CDK16: variants seen among roughly 807,000 people sequenced by gnomAD.
CDK16 encodes cyclin dependent kinase 16.
Under a neutral mutation model 41.6 loss-of-function variants are expected in CDK16, and 2 were observed. The ratio of observed to expected loss-of-function variants is 0.05; its 90% CI spans 0.02 to 0.15. CDK16 has a LOEUF of 0.15. CDK16 is among the 10% of genes least tolerant of loss of function. The pLI is 1.00. For synonymous variants in CDK16, 169 were observed against 169.7 expected (o/e 1.00, Z 0.03); for missense variants, 228 against 428.9 (o/e 0.53, Z 4.14).
At chrX:47,225,226 T>C (rs1171436062) in intron 6 of CDK16, 124 bp downstream of exon 6, 3 of 466,225 alleles carry the variant, frequency 6.4e-6, no homozygotes, top group East Asian at 3.7e-5. Context: ...TGGGAATGCC[T>C]GTCACCCACA....
Position 47,226,862 on chromosome X carries a change from C to T in CDK16, c.1088C>T (p.Pro363Leu), listed in dbSNP as rs1307753331. 5.0e-6 allele frequency: 6 copies of T among 1,209,417 alleles called. No individual in the cohort carries two copies. Among genetic ancestry groups the T allele is most frequent in the Non-Finnish European group, 6.7e-6 (6 of 894,511 alleles). ...YEMATGRPLF[P>L]GSTVEEQLHF... Reference sequence around the variant, plus strand: ...ATGGCCACAGGCCGTCCCCTCTTTCCGGGCTCCACGGTGGAGGAACAGCTA... The same window carrying T: ...ATGGCCACAGGCCGTCCCCTCTTTCTGGGCTCCACGGTGGAGGAACAGCTA... Residue 363 changes from proline to leucine, a missense_variant, in exon 11 of 16, where the codon CCG becomes CTG. Around this residue, in one of 3 missense-constraint regions of CDK16, gnomAD observed 91 missense variants for 129.5 expected, o/e 0.70. Transcript: ENST00000357227.
chrX:47,221,162 T>A (rs996843348), intron 1 of CDK16, among the ~76,000 whole-genome samples: 3 of 111,049 alleles, frequency 2.7e-5, no homozygotes, highest in Non-Finnish European at 5.7e-5. Context: ...GACCAAGTCC[T>A]TAGTGGTTGG....
intron 1 of CDK16, among the ~76,000 whole-genome samples, chrX:47,219,870 G>A (rs1183101795): frequency 2.7e-5 from 3 of 110,729 alleles, no homozygotes; most frequent in Admixed American, 9.6e-5. Context: ...ATATGCTAAT[G>A]AGGGCAGAGT....
At chrX:47,223,225 T>C (rs1937422348) in intron 1 of CDK16, 5 of 1,156,379 alleles carry the variant, frequency 4.3e-6, no homozygotes, top group African/African-American at 3.5e-5. Flanking sequence ...AGCCTTCTGC[T>C]CCTGCAGTGG....
Position 47,223,564 on chromosome X carries a change from C to A in CDK16, c.7C>A (p.Arg3=). 8.3e-7 allele frequency: 1 copy of A among 1,210,512 alleles called. No homozygotes were observed. Among genetic ancestry groups the A allele is most frequent in the Non-Finnish European group, 1.1e-6 (1 of 894,456 alleles). The part of the protein sequence containing the change: MD[R]MKKIKRQLSM... ...GTCCCTTGCTCAGATCGCCATGGAT[C>A]GGATGAAGAAGATCAAACGGCAGCT... The change falls in exon 2 of 16, where the codon CGG becomes AGG. Residue 3 remains arginine (R), a synonymous_variant. Coordinates refer to ENST00000357227, the MANE Select transcript of CDK16 (RefSeq NM_006201.5).
At chrX:47,227,550 G>C in intron 14 of CDK16, 81 bp downstream of exon 14, 5 of 695,438 alleles carry the variant, frequency 7.2e-6, no homozygotes, top group Non-Finnish European at 1.1e-5. Flanking sequence ...GGTTGTGTAG[G>C]ATTCTGGCTG....
At position 47,224,526 on chromosome X, in the gene CDK16, AC is replaced by A. The variant is rs752943907; in HGVS notation, c.336+12del. On this transcript the variant is annotated intron_variant, in intron 3 of 15. Transcript: ENST00000357227. ...CGCAAGATCTCCACTGAGGTGCTTG[AC>A]CCCGTCTGGATGGTGGAGGAACTGG... 4 of 1,201,015 alleles carry A rather than the reference AC, an allele frequency of 3.3e-6. No individual in the cohort carries two copies. The highest frequency in any genetic ancestry group is 4.5e-6 in the Non-Finnish European group (4 of 890,035).
Position 47,226,030 on chromosome X carries a change from G to A in CDK16, c.792+3G>A. On this transcript the variant is annotated splice_donor_region_variant and intron_variant, in intron 8 of 15. Transcript: ENST00000357227. ...TCATCAACATGCACAACGTGAAAGT[G>A]GGTGTGGGGCAGGAAGCAGGGGCAC... 1 of 1,195,698 alleles carries A rather than the reference G, an allele frequency of 8.4e-7. No homozygotes were observed. The highest frequency in any genetic ancestry group is 1.1e-6 in the Non-Finnish European group (1 of 886,682).
Position 47,228,656 on chromosome X carries a change from C to T in CDK16, c.1453+12C>T, listed in dbSNP as rs1339117502. On this transcript the variant is annotated intron_variant, in intron 15 of 15. Coordinates refer to ENST00000357227, the MANE Select transcript of CDK16 (RefSeq NM_006201.5). Reference sequence around the variant, plus strand: ...GATGCCTGACTCAGGTAGGTATAGCCCCTTGTCTTCCTCCCTGCCCCACCC... The same window carrying T: ...GATGCCTGACTCAGGTAGGTATAGCTCCTTGTCTTCCTCCCTGCCCCACCC... 3 of 1,204,619 alleles carry T rather than the reference C, an allele frequency of 2.5e-6. No individual in the cohort carries two copies. Among genetic ancestry groups the T allele is most frequent in the Middle Eastern group, 2.3e-4 (1 of 4,360 alleles).
chrX:47,229,336 C>A lies in CDK16; in HGVS notation c.*568C>A. On this transcript the variant is annotated 3_prime_UTR_variant, in exon 16 of 16. Coordinates refer to ENST00000357227, the MANE Select transcript of CDK16 (RefSeq NM_006201.5). ...TGCAATATCTCTGTATACAGACTGGCTGGGCCCCACCCCCTGCGTGTGGCC... is the reference window on the plus strand; with the variant it reads ...TGCAATATCTCTGTATACAGACTGGATGGGCCCCACCCCCTGCGTGTGGCC... 1 of 306,673 alleles carries A rather than the reference C, an allele frequency of 3.3e-6. No individual in the cohort carries two copies. The highest frequency in any genetic ancestry group is 6.2e-6 in the Non-Finnish European group (1 of 161,109). 25.3% of individuals were successfully genotyped at this position (306,673 alleles called of 1,213,427 possible). A position where few individuals can be genotyped will look rare whatever the true frequency, so the allele number is the denominator to read the frequency against.
chrX:47,218,713 T>TGCGCGGAGCGCG lies in CDK16; in HGVS notation c.-393_-382dup. 8.6e-7 allele frequency: 1 copy of TGCGCGGAGCGCG among 1,163,548 alleles called. No homozygotes were observed. Among genetic ancestry groups the TGCGCGGAGCGCG allele is most frequent in the Non-Finnish European group, 1.1e-6 (1 of 871,569 alleles). ...ACCCTTCCGAGCGCCTGCGTGCGCA[T>TGCGCGGAGCGCG]GCGCGGAGCGCGGCGCGCGCGGCGG... On this transcript the variant is annotated 5_prime_UTR_variant, in exon 1 of 16. Transcript: ENST00000357227.
intron 13 of CDK16, 77 bp from the exon 14 acceptor site, chrX:47,227,302 G>T: frequency 9.1e-7 from 1 of 1,103,260 alleles, no homozygotes; most frequent in Non-Finnish European, 1.2e-6. Flanking sequence ...TCAAACCAGG[G>T]GCAGGGTCTG....
At position 47,227,241 on chromosome X, in the gene CDK16, C is replaced by T. The variant is rs2147336618; in HGVS notation, c.1284+18C>T. The T allele has an allele frequency of 1.7e-6, 2 of 1,193,087 alleles. No individual in the cohort carries two copies. Among genetic ancestry groups the T allele is most frequent in the East Asian group, 5.9e-5 (2 of 33,627 alleles). On this transcript the variant is annotated intron_variant, in intron 13 of 15. Coordinates refer to ENST00000357227, the MANE Select transcript of CDK16 (RefSeq NM_006201.5). ...TGTTGCAGGTGAGACCACCTTGGGTCAGCCTTGGGGGTATGGGATTCCAAG... is the reference window on the plus strand; with the variant it reads ...TGTTGCAGGTGAGACCACCTTGGGTTAGCCTTGGGGGTATGGGATTCCAAG...
intron 2 of CDK16, among the ~76,000 whole-genome samples, chrX:47,224,093 G>A (rs1354133648): frequency 9.0e-6 from 1 of 111,029 alleles, no homozygotes; most frequent in Non-Finnish European, 1.9e-5. Context: ...GCCTTCCCAG[G>A]ACCCTTGGCT....
chrX:47,220,917 G>T (rs747062840), intron 1 of CDK16, among the ~76,000 whole-genome samples: 7 of 111,120 alleles, frequency 6.3e-5, no homozygotes, highest in Non-Finnish European at 1.1e-4. Flanking sequence ...CGTTAATGAG[G>T]GGAGTCAGTA....
chrX:47,218,479 G>T (rs1937171916), upstream of CDK16: 43 of 653,667 alleles, frequency 6.6e-5, no homozygotes, highest in Non-Finnish European at 9.2e-5. Context: ...TGATTGACGC[G>T]CCAGGTTACT....
chrX:47,219,907 G>C (rs782565042), intron 1 of CDK16, among the ~76,000 whole-genome samples: 1 of 110,703 alleles, frequency 9.0e-6, no homozygotes, highest in South Asian at 3.8e-4. Context: ...GGTATCTAAC[G>C]GAGGAAGGAC....
At chrX:47,223,382 A>G in intron 1 of CDK16, 170 bp from the exon 2 acceptor site, 1 of 1,070,664 alleles carries the variant, frequency 9.3e-7, no homozygotes, top group Non-Finnish European at 1.2e-6. Context: ...AAAGATCCCC[A>G]TCCATGCTGG....
intron 2 of CDK16, 116 bp downstream of exon 2, chrX:47,223,875 G>C (rs1937458225): frequency 3.4e-6 from 2 of 594,761 alleles, no homozygotes; most frequent in Admixed American, 5.7e-5. Flanking sequence ...TGCCCCCCAT[G>C]TGCTCTCTTC....
Sources: gnomAD v4.1 joint callset for allele counts (sites outside exome capture counted in the v4.1 genomes callset) on GRCh38, gnomAD v4.1.1 for gene constraint, gnomAD v4.1.1 regional missense constraint, MANE v1.5 for transcripts, NCBI Gene and HGNC (gene_info 2026-07-23, HGNC 2026-07-21) for gene names.